Variants in FBXL2 observed in about 807,000 individuals in gnomAD.
FBXL2 encodes F-box and leucine rich repeat protein 2.
FBXL2 carries 38 observed loss-of-function variants against 69.2 expected under a neutral mutation model. The ratio of observed to expected loss-of-function variants is 0.55; its 90% CI spans 0.42 to 0.72. The LOEUF (loss-of-function observed/expected upper bound fraction) is 0.72, where lower values mean the gene tolerates loss of function less well. Among genes scored for constraint, FBXL2 ranks in the 30% least tolerant of loss-of-function variants. The pLI, the probability that FBXL2 is intolerant of heterozygous loss-of-function variation, is 0.00. For synonymous variants in FBXL2, 192 were observed against 201.3 expected (o/e 0.95, Z 0.39); for missense variants, 354 against 520.3 (o/e 0.68, Z 3.11).
chr3:33,352,232 A>G (rs2040876038), intron 2 of FBXL2, among the ~76,000 whole-genome samples: 1 of 152,116 alleles, frequency 6.6e-6, no homozygotes, highest in African/African-American at 2.4e-5. Context: ...GAAAGTATAC[A>G]TTTTTTTCGA....
chr3:33,366,655 C>CTCTA (rs1332686225), intron 5 of FBXL2, among the ~76,000 whole-genome samples: 1 of 152,046 alleles, frequency 6.6e-6, no homozygotes, highest in Non-Finnish European at 1.5e-5. Flanking sequence ...CAGAGTGAGA[C>CTCTA]TCTATCTCTG....
At chr3:33,373,506 C>G in intron 7 of FBXL2, 72 bp from the exon 8 acceptor site, 1 of 1,605,870 alleles carries the variant, frequency 6.2e-7, no homozygotes. Flanking sequence ...TTGTGATGTA[C>G]TAAACTCAGA....
chr3:33,390,197 A>G, downstream of FBXL2: 3 of 866,030 alleles, frequency 3.5e-6, no homozygotes, highest in Non-Finnish European at 5.4e-6. Context: ...AGCTCATTAG[A>G]AAGGTCATCT....
intron 1 of FBXL2, among the ~76,000 whole-genome samples, chr3:33,297,379 C>G (rs1035163250): frequency 1.1e-4 from 17 of 152,236 alleles, no homozygotes; most frequent in African/African-American, 4.1e-4. Flanking sequence ...TTCTTCCTTT[C>G]CAATCTGGAT....
downstream of FBXL2, chr3:33,391,347 T>C (rs1222062158): frequency 2.0e-5 from 3 of 152,254 alleles, no homozygotes; most frequent in Non-Finnish European, 1.5e-5. Flanking sequence ...CAAATAATTT[T>C]ACATTTAGGA....
At chr3:33,402,049 T>A (rs1333790979) in intron 12 of FBXL2, among the ~76,000 whole-genome samples, 4 of 152,220 alleles carry the variant, frequency 2.6e-5, no homozygotes, top group Non-Finnish European at 5.9e-5. Context: ...TCAGACCTTG[T>A]CAGCATGACC....
the FBXL2 span, among the ~76,000 whole-genome samples, chr3:33,417,167 T>A: frequency 6.6e-6 from 1 of 152,218 alleles, no homozygotes; most frequent in African/African-American, 2.4e-5. Context: ...TTCACATTTT[T>A]AAAAAGTGTG....
At chr3:33,400,938 T>TC in intron 12 of FBXL2, 2 of 1,589,314 alleles carry the variant, frequency 1.3e-6, no homozygotes, top group Non-Finnish European at 1.7e-6. Context: ...AAGCATCAGA[T>TC]AGTTTTAGGA....
intron 2 of FBXL2, among the ~76,000 whole-genome samples, chr3:33,303,641 G>T (rs187725596): frequency 6.6e-6 from 1 of 152,158 alleles, no homozygotes; most frequent in East Asian, 1.9e-4. Context: ...GAAAAGATTG[G>T]TGAATTTGAC....
chr3:33,412,718 G>A, the FBXL2 span: 9 of 1,588,074 alleles, frequency 5.7e-6, no homozygotes, highest in Middle Eastern at 1.7e-4. Context: ...ATCACTGCCT[G>A]TACCTAAATC....
At chr3:33,277,568 TG>T in intron 1 of FBXL2, 53 bp downstream of exon 1, 1 of 1,255,530 alleles carries the variant, frequency 8.0e-7, no homozygotes, top group South Asian at 3.7e-5. Flanking sequence ...CCTACCGGGC[TG>T]GGTCCGCACG....
intron 2 of FBXL2, among the ~76,000 whole-genome samples, chr3:33,343,599 A>G (rs1462814698): frequency 6.6e-6 from 1 of 152,104 alleles, no homozygotes; most frequent in African/African-American, 2.4e-5. Context: ...TATTATTCAA[A>G]TACTACAAAC....
At chr3:33,282,712 T>G (rs2125672316) in intron 1 of FBXL2, among the ~76,000 whole-genome samples, 1 of 152,340 alleles carries the variant, frequency 6.6e-6, no homozygotes, top group South Asian at 2.1e-4. Flanking sequence ...TTGTGTCCTC[T>G]TTTATTTTGT....
downstream of FBXL2, chr3:33,388,477 T>G (rs986273130): frequency 1.3e-5 from 2 of 152,652 alleles, no homozygotes; most frequent in Admixed American, 6.5e-5. Flanking sequence ...CCACTCAGTA[T>G]AATTTCAAGT....
At chr3:33,411,621 A>T in the FBXL2 span, 1 of 1,614,182 alleles carries the variant, frequency 6.2e-7, no homozygotes, top group South Asian at 1.1e-5. Flanking sequence ...GTCCCACAGA[A>T]ATTCAACCGC....
chr3:33,278,172 C>A (rs2033531526), intron 1 of FBXL2: 4 of 152,110 alleles, frequency 2.6e-5, no homozygotes. Flanking sequence ...TACCTTTGTT[C>A]AGTTAACTTC....
the FBXL2 span, among the ~76,000 whole-genome samples, chr3:33,419,189 C>A: frequency 6.6e-5 from 10 of 152,098 alleles, no homozygotes; most frequent in Non-Finnish European, 1.0e-4. Flanking sequence ...CAGGAGCTGA[C>A]TTGAGGCAGA....
intron 3 of FBXL2, 102 bp downstream of exon 3, chr3:33,359,123 T>C (rs557831279): frequency 2.2e-6 from 2 of 905,068 alleles, no homozygotes; most frequent in Admixed American, 3.0e-5. Context: ...TCTTTTATAC[T>C]TAATATAACA....
intron 2 of FBXL2, among the ~76,000 whole-genome samples, chr3:33,306,931 A>G (rs2036773481): frequency 1.3e-5 from 2 of 152,126 alleles, no homozygotes; most frequent in Admixed American, 1.3e-4. Context: ...TTTTATAAAC[A>G]GGCACTTCAG....
Sources: gnomAD v4.1 joint callset for allele counts (sites outside exome capture counted in the v4.1 genomes callset) on GRCh38, gnomAD v4.1.1 for gene constraint, MANE v1.5 for transcripts, NCBI Gene and HGNC (gene_info 2026-07-23, HGNC 2026-07-21) for gene names.